The following GRM5 variants were observed in gnomAD, a reference collection of about 807,000 sequenced individuals.
GRM5 encodes metabotropic glutamate receptor 5.
In GRM5, 19 loss-of-function variants were observed where a neutral mutation model predicts 83.1. The ratio of observed to expected loss-of-function variants is 0.23; its 90% confidence interval spans 0.16 to 0.34. The LOEUF is 0.34. GRM5 is among the 10% of genes least tolerant of loss of function. The pLI is 1.00. For missense variants in GRM5, 1,160 were observed against 1,588.3 expected (o/e 0.73, Z 4.58); for synonymous variants, 675 against 633.6 (o/e 1.07, Z -0.98).
intron 3 of GRM5, among the ~76,000 whole-genome samples, chr11:88,667,922 A>C (rs988030941): frequency 6.6e-5 from 10 of 152,006 alleles, no homozygotes; most frequent in Non-Finnish European, 1.5e-4. Flanking sequence ...AAAAATGTTA[A>C]AGTCAAAATT....
chr11:88,795,150 C>A (rs893650211), intron 3 of GRM5, among the ~76,000 whole-genome samples: 2 of 152,198 alleles, frequency 1.3e-5, no homozygotes, highest in Non-Finnish European at 2.9e-5. Flanking sequence ...GGATTGAGAT[C>A]TCCACATGTA....
chr11:89,044,842 G>A (rs1941610266), intron 2 of GRM5, among the ~76,000 whole-genome samples: 1 of 147,830 alleles, frequency 6.8e-6, no homozygotes, highest in African/African-American at 2.6e-5. Context: ...GAAAAACCAA[G>A]TGGGGAGGAA....
intron 8 of GRM5, among the ~76,000 whole-genome samples, chr11:88,534,885 G>C (rs1018016502): frequency 8.5e-5 from 13 of 152,120 alleles, no homozygotes; most frequent in Non-Finnish European, 1.6e-4. Context: ...TCATGGTAGT[G>C]AGTAAGTCTC....
At chr11:88,722,466 T>C (rs188850983) in intron 3 of GRM5, among the ~76,000 whole-genome samples, 71 of 152,244 alleles carry the variant, frequency 4.7e-4, no homozygotes, top group African/African-American at 1.7e-3. Context: ...AATTACTTTA[T>C]GGTAACTTTT....
chr11:88,791,021 C>T (rs1689019037), intron 3 of GRM5, among the ~76,000 whole-genome samples: 1 of 152,054 alleles, frequency 6.6e-6, no homozygotes, highest in Admixed American at 6.6e-5. Flanking sequence ...AAATACTAGA[C>T]AATTGGAATG....
chr11:88,876,806 T>C (rs531447932), intron 2 of GRM5, among the ~76,000 whole-genome samples: 24 of 152,014 alleles, frequency 1.6e-4, no homozygotes, highest in Non-Finnish European at 2.4e-4. Context: ...TTCACCAACA[T>C]AGATAGGCAT....
At chr11:88,922,701 A>G (rs1225227255) in intron 2 of GRM5, among the ~76,000 whole-genome samples, 2 of 152,158 alleles carry the variant, frequency 1.3e-5, no homozygotes, top group Non-Finnish European at 2.9e-5. Flanking sequence ...AACAACTACA[A>G]GCAACCAAAG....
intron 1 of GRM5, among the ~76,000 whole-genome samples, chr11:89,065,101 A>G (rs1565358503): frequency 6.6e-6 from 1 of 151,342 alleles, no homozygotes; most frequent in Non-Finnish European, 1.5e-5. Flanking sequence ...TCTCCCTCCT[A>G]GTACTGTAGT....
rs569286037 is a variant in GRM5, at chr11:89,021,018, T to G, written c.661+26194A>C. 4.7e-4 allele frequency among the ~76,000 whole-genome samples: 72 copies of G among 152,290 alleles called. No individual in the cohort carries two copies. The South Asian group carries it at 7.9e-3, about 17-fold the overall frequency. On this transcript the variant is annotated intron_variant, in intron 2 of 9. Transcript: ENST00000305447. Reference sequence around the variant, plus strand: ...TCCATGAAGAACGATAAATAATACATTTGACCACAGTCCCCTCATTTCACC... The same window carrying G: ...TCCATGAAGAACGATAAATAATACAGTTGACCACAGTCCCCTCATTTCACC...
At chr11:88,746,127 C>T (rs926897679) in intron 3 of GRM5, among the ~76,000 whole-genome samples, 2 of 152,114 alleles carry the variant, frequency 1.3e-5, no homozygotes, top group Non-Finnish European at 2.9e-5. Context: ...AGATTGATAA[C>T]CCTTGGAATC....
chr11:88,965,723 T>A (rs1938937164), intron 2 of GRM5, among the ~76,000 whole-genome samples: 1 of 152,132 alleles, frequency 6.6e-6, no homozygotes, highest in Admixed American at 6.6e-5. Context: ...CTTAATTTGG[T>A]ATGTAGCCAG....
At chr11:89,049,050 G>T (rs1328086588) in intron 1 of GRM5, among the ~76,000 whole-genome samples, 1 of 152,120 alleles carries the variant, frequency 6.6e-6, no homozygotes, top group Non-Finnish European at 1.5e-5. Flanking sequence ...TTTGTGGCTA[G>T]GTCATGAAGA....
intron 7 of GRM5, among the ~76,000 whole-genome samples, chr11:88,588,886 C>A (rs1488350002): frequency 1.3e-5 from 2 of 152,086 alleles, no homozygotes; most frequent in Non-Finnish European, 2.9e-5. Context: ...CAACAAGTGA[C>A]ACAGGAAGCA....
intron 2 of GRM5, among the ~76,000 whole-genome samples, chr11:88,888,316 G>C (rs1448507748): frequency 6.6e-6 from 1 of 152,146 alleles, no homozygotes; most frequent in African/African-American, 2.4e-5. Flanking sequence ...GCAAGCAGCA[G>C]AGAATTTCTG....
chr11:88,827,276 C>T (rs1943908965), intron 3 of GRM5, among the ~76,000 whole-genome samples: 1 of 152,176 alleles, frequency 6.6e-6, no homozygotes, highest in African/African-American at 2.4e-5. Flanking sequence ...TGGCACTACT[C>T]CACATCAGCA....
At chr11:88,570,237 AT>A in intron 7 of GRM5, among the ~76,000 whole-genome samples, 1 of 152,240 alleles carries the variant, frequency 6.6e-6, no homozygotes, top group Non-Finnish European at 1.5e-5. Flanking sequence ...CTATGGGAAA[AT>A]GTATTCTTAC....
At chr11:88,750,207 G>C (rs1024135354) in intron 3 of GRM5, among the ~76,000 whole-genome samples, 1 of 152,028 alleles carries the variant, frequency 6.6e-6, no homozygotes, top group African/African-American at 2.4e-5. Flanking sequence ...CACATGCAAA[G>C]ACACACACAG....
intron 3 of GRM5, among the ~76,000 whole-genome samples, chr11:88,665,164 C>CACACACACACACAT (rs1345231713): frequency 1.9e-4 from 29 of 150,762 alleles, no homozygotes; most frequent in Non-Finnish European, 3.3e-4. Context: ...AATTTATTTA[C>CACACACACACACAT]ACACACACAC....
At chr11:88,510,612 A>G (rs1941339609) in intron 9 of GRM5, among the ~76,000 whole-genome samples, 1 of 152,064 alleles carries the variant, frequency 6.6e-6, no homozygotes, top group African/African-American at 2.4e-5. Flanking sequence ...GGCCTCTGGG[A>G]TTCAAGCGAA....
Sources: allele counts gnomAD v4.1 joint callset (sites outside exome capture counted in the v4.1 genomes callset), GRCh38; gene constraint gnomAD v4.1.1; transcripts MANE v1.5; gene names NCBI Gene and HGNC (gene_info 2026-07-23, HGNC 2026-07-21).